BTBD9: variants seen among roughly 807,000 people sequenced by gnomAD.
BTBD9 encodes BTB domain containing 9.
Under a neutral mutation model 64.3 loss-of-function variants are expected in BTBD9, and 49 were observed. The ratio of observed to expected loss-of-function variants is 0.76; its 90% confidence interval spans 0.61 to 0.97. The LOEUF is 0.97. BTBD9 is among the 50% of genes least tolerant of loss of function. BTBD9 has a pLI of 0.00. For synonymous variants in BTBD9, 260 were observed against 274.7 expected (o/e 0.95, Z 0.53); for missense variants, 598 against 762.1 (o/e 0.78, Z 2.53).
intron 8 of BTBD9, among the ~76,000 whole-genome samples, chr6:38,273,394 A>C: frequency 6.6e-6 from 1 of 152,174 alleles, no homozygotes; most frequent in South Asian, 2.1e-4. Context: ...TGACTCCTGG[A>C]CTACGGTCCA....
At chr6:38,589,452 A>T (rs1776697613) in intron 4 of BTBD9, among the ~76,000 whole-genome samples, 1 of 152,204 alleles carries the variant, frequency 6.6e-6, no homozygotes. Context: ...TATATAAGAC[A>T]GGATCCGACA....
At chr6:38,287,805 G>A (rs1054189220) in intron 8 of BTBD9, among the ~76,000 whole-genome samples, 5 of 152,148 alleles carry the variant, frequency 3.3e-5, no homozygotes, top group Non-Finnish European at 7.3e-5. Context: ...ATCAAGCAAG[G>A]TTAAAGTTCC....
chr6:38,351,745 C>T (rs990120013), intron 6 of BTBD9, among the ~76,000 whole-genome samples: 7 of 151,740 alleles, frequency 4.6e-5, no homozygotes, highest in South Asian at 2.1e-4. Context: ...GTGATCTGCC[C>T]GCCTCGGCCT....
At chr6:38,436,147 T>C (rs913027572) in intron 6 of BTBD9, among the ~76,000 whole-genome samples, 10 of 151,986 alleles carry the variant, frequency 6.6e-5, no homozygotes, top group African/African-American at 2.2e-4. Context: ...AAAGTACCAT[T>C]TCAATAAACG....
At chr6:38,384,692 A>G (rs950477891) in intron 6 of BTBD9, among the ~76,000 whole-genome samples, 1 of 152,180 alleles carries the variant, frequency 6.6e-6, no homozygotes, top group African/African-American at 2.4e-5. Context: ...CTCCTAAATA[A>G]CCTAACATTT....
intron 8 of BTBD9, among the ~76,000 whole-genome samples, chr6:38,265,526 G>A (rs1254351329): frequency 6.8e-6 from 1 of 147,736 alleles, no homozygotes; most frequent in African/African-American, 2.5e-5. Context: ...TTTTAAGACA[G>A]GGTCTCAATC....
At chr6:38,334,301 C>T (rs1410939259) in intron 7 of BTBD9, among the ~76,000 whole-genome samples, 1 of 152,174 alleles carries the variant, frequency 6.6e-6, no homozygotes, top group African/African-American at 2.4e-5. Context: ...GTGGCTCATG[C>T]CTGTAATCCC....
chr6:38,355,066 C>T (rs1388483607), intron 6 of BTBD9, among the ~76,000 whole-genome samples: 1 of 152,140 alleles, frequency 6.6e-6, no homozygotes, highest in East Asian at 1.9e-4. Context: ...ACTCCAGTTT[C>T]CAAATAGCAT....
intron 7 of BTBD9, among the ~76,000 whole-genome samples, chr6:38,290,201 G>C (rs560981459): frequency 6.7e-6 from 1 of 149,796 alleles, no homozygotes; most frequent in East Asian, 2.0e-4. Context: ...AATTTTTCTG[G>C]TGATGAATTC....
intron 8 of BTBD9, among the ~76,000 whole-genome samples, chr6:38,285,764 C>A (rs1453854434): frequency 6.6e-6 from 1 of 152,122 alleles, no homozygotes; most frequent in Admixed American, 6.5e-5. Context: ...ATGAGTTACA[C>A]CCCAAGCCTA....
intron 6 of BTBD9, among the ~76,000 whole-genome samples, chr6:38,507,602 CTT>C (rs925687472): frequency 1.3e-5 from 2 of 152,130 alleles, no homozygotes; most frequent in African/African-American, 4.8e-5. Flanking sequence ...GTTCATCACT[CTT>C]TCCTTCTCAA....
At chr6:38,433,616 CT>C (rs1344682082) in intron 6 of BTBD9, among the ~76,000 whole-genome samples, 2 of 151,930 alleles carry the variant, frequency 1.3e-5, no homozygotes, top group Non-Finnish European at 2.9e-5. Context: ...AGCCCCACCC[CT>C]ATCTCCCTTT....
chr6:38,292,000 T>C (rs1761983064), intron 7 of BTBD9, among the ~76,000 whole-genome samples: 1 of 152,020 alleles, frequency 6.6e-6, no homozygotes, highest in African/African-American at 2.4e-5. Flanking sequence ...TTGCTCTTGT[T>C]GCCCAGGCCG....
At chr6:38,284,632 G>A in intron 8 of BTBD9, among the ~76,000 whole-genome samples, 1 of 152,262 alleles carries the variant, frequency 6.6e-6, no homozygotes, top group South Asian at 2.1e-4. Flanking sequence ...AGTATTCTGA[G>A]TTGCCACAGG....
At chr6:38,389,636 TTGA>T (rs1437274031) in intron 6 of BTBD9, among the ~76,000 whole-genome samples, 1 of 152,186 alleles carries the variant, frequency 6.6e-6, no homozygotes, top group Non-Finnish European at 1.5e-5. Flanking sequence ...GATATCCAAA[TTGA>T]TTATTGTCAG....
intron 6 of BTBD9, among the ~76,000 whole-genome samples, chr6:38,479,168 T>C (rs1771019746): frequency 6.6e-6 from 1 of 152,070 alleles, no homozygotes; most frequent in Non-Finnish European, 1.5e-5. Context: ...ATGAAAGAGT[T>C]TCCAAATATA....
intron 6 of BTBD9, among the ~76,000 whole-genome samples, chr6:38,519,099 T>G (rs1364593736): frequency 6.6e-6 from 1 of 152,214 alleles, no homozygotes; most frequent in Non-Finnish European, 1.5e-5. Context: ...CTGCTGCAGA[T>G]ATGTATAGTT....
chr6:38,283,468 C>T (rs1011072456), intron 8 of BTBD9, among the ~76,000 whole-genome samples: 1 of 152,036 alleles, frequency 6.6e-6, no homozygotes, highest in Admixed American at 6.6e-5. Flanking sequence ...GGCAACAAAG[C>T]AAGACCCTGT....
chr6:38,285,107 T>C (rs541476796), intron 8 of BTBD9, among the ~76,000 whole-genome samples: 1 of 152,068 alleles, frequency 6.6e-6, no homozygotes, highest in South Asian at 2.1e-4. Context: ...CTACTAATCA[T>C]GATTCCTCTG....
Sources: allele counts gnomAD v4.1 joint callset (sites outside exome capture counted in the v4.1 genomes callset), GRCh38; gene constraint gnomAD v4.1.1; transcripts MANE v1.5; gene names NCBI Gene and HGNC (gene_info 2026-07-23, HGNC 2026-07-21).